PRAG1: variants seen among roughly 807,000 people sequenced by gnomAD.
PRAG1 encodes the protein inactive tyrosine-protein kinase PRAG1.
In PRAG1, 110 loss-of-function variants were observed where a neutral mutation model predicts 95.6. The ratio of observed to expected loss-of-function variants is 1.15; its 90% confidence interval spans 0.99 to 1.35. PRAG1 has a LOEUF of 1.35. Among genes scored for constraint, PRAG1 ranks in the 40% most tolerant of loss-of-function variants. The pLI is 0.00. For missense variants in PRAG1, 2,554 were observed against 1,864.7 expected, an observed-to-expected ratio of 1.37 and a Z score of -6.81; for synonymous variants, 1,052 against 819.4, an observed-to-expected ratio of 1.28 and a Z score of -4.85.
chr8:8,369,375 C>T (rs546552051), intron 3 of PRAG1, among the ~76,000 whole-genome samples: 2 of 152,304 alleles, frequency 1.3e-5, no homozygotes, highest in African/African-American at 4.8e-5. Context: ...ACAAAAGATA[C>T]ACTGTGTTAA....
At chr8:8,349,759 G>T (rs1341980441) in intron 3 of PRAG1, among the ~76,000 whole-genome samples, 1 of 152,120 alleles carries the variant, frequency 6.6e-6, no homozygotes, top group African/African-American at 2.4e-5. Context: ...TCTTTGGTCA[G>T]ATGACCTCTG....
In PRAG1 at chr8:8,376,988, A is replaced by C. The variant is rs1392029098; in HGVS notation, c.1421T>G (p.Ile474Ser). 1.9e-6 allele frequency: 3 copies of C among 1,613,560 alleles called. No individual in the cohort carries two copies. Among genetic ancestry groups the C allele is most frequent in the Non-Finnish European group, 2.5e-6 (3 of 1,179,950 alleles). The change falls in exon 3 of 6, where the codon ATC becomes AGC. Residue 474 changes from isoleucine (I) to serine (S), a missense_variant. Transcript: ENST00000615670. Reference protein sequence around the residue: ...PDPTPQVSATITVMAAHPEED... With the variant: ...PDPTPQVSATSTVMAAHPEED... ...TTCCGGGTGGGCCGCCATGACTGTG[A>C]TGGTGGCTGACACCTGGGGAGTTGG...
At chr8:8,319,366 G>A in intron 5 of PRAG1, 64 bp from the exon 6 acceptor site, 2 of 1,380,172 alleles carry the variant, frequency 1.4e-6, no homozygotes, top group Admixed American at 2.4e-5. Flanking sequence ...CAAAGAGTGT[G>A]GAAACATTTG....
At chr8:8,385,569 C>T (rs1800819380) in intron 1 of PRAG1, among the ~76,000 whole-genome samples, 1 of 152,204 alleles carries the variant, frequency 6.6e-6, no homozygotes, top group Non-Finnish European at 1.5e-5. Flanking sequence ...CCTGACTCCG[C>T]ACTGAATGCA....
At chr8:8,371,253 T>C (rs934905174) in intron 3 of PRAG1, among the ~76,000 whole-genome samples, 12 of 152,114 alleles carry the variant, frequency 7.9e-5, no homozygotes, top group Admixed American at 2.0e-4. Flanking sequence ...TGAAATTCAA[T>C]TGAGCGAAAA....
chr8:8,379,811 G>A (rs924434095), intron 2 of PRAG1, among the ~76,000 whole-genome samples: 5 of 152,240 alleles, frequency 3.3e-5, no homozygotes, highest in Non-Finnish European at 7.3e-5. Context: ...CCTGTGGAAT[G>A]AGCAGAATGG....
intron 3 of PRAG1, among the ~76,000 whole-genome samples, chr8:8,363,711 T>C (rs1214371516): frequency 6.6e-6 from 1 of 152,252 alleles, no homozygotes; most frequent in East Asian, 1.9e-4. Flanking sequence ...TTTTATGTTA[T>C]ATGTAACATA....
rs764657134 is a variant in PRAG1 at position 8,377,735 on chromosome 8, G to C, written c.674C>G (p.Pro225Arg). The change falls in exon 3 of 6, where the codon CCT becomes CGT. Residue 225 changes from proline to arginine, a missense_variant. Physicochemically the swap from Pro to Arg is moderately radical, Grantham distance 103. Coordinates refer to ENST00000615670, the MANE Select transcript of PRAG1 (RefSeq NM_001080826.3). ...AGTTSGCHQG[P>R]GPLRESLPSE... ...GGGCAGGGATTCCCGCAGGGGCCCA[G>C]GGCCCTGGTGACAGCCAGATGTGGT... is the stretch of plus-strand genomic sequence containing the variant. The C allele has an allele frequency of 1.2e-6, 2 of 1,613,942 alleles. No homozygotes were observed. Among genetic ancestry groups the C allele is most frequent in the Non-Finnish European group, 1.7e-6 (2 of 1,180,024 alleles).
At position 8,376,299 on chromosome 8, in the gene PRAG1, C is replaced by T. The variant is rs769151612; in HGVS notation, c.2110G>A (p.Asp704Asn). 4 of 1,614,046 alleles carry T rather than the reference C, an allele frequency of 2.5e-6. No homozygotes were observed. In the African/African-American group the frequency reaches 4.0e-5, roughly 16 times the overall value. ...GAGAATGTCTCAATCCCACTTCTGT[C>T]CTTGGGGAACTCAAAGGCAAAAGAG... ...SASFAFEFPK[D>N]RSGIETFSPP... Residue 704 changes from aspartate to asparagine, a missense_variant, in exon 3 of 6, where the codon GAC becomes AAC. Coordinates refer to ENST00000615670, the MANE Select transcript of PRAG1 (RefSeq NM_001080826.3).
intron 1 of PRAG1, among the ~76,000 whole-genome samples, chr8:8,382,109 G>C (rs904540646): frequency 5.3e-5 from 8 of 152,116 alleles, no homozygotes; most frequent in Admixed American, 3.3e-4. Flanking sequence ...CCTGGGTGGG[G>C]AGTCCCCTAA....
chr8:8,335,640 A>G (rs1410668803), intron 4 of PRAG1, among the ~76,000 whole-genome samples: 2 of 152,240 alleles, frequency 1.3e-5, no homozygotes, highest in African/African-American at 4.8e-5. Flanking sequence ...GCTTCACTTC[A>G]GTGATATTAT....
At chr8:8,337,361 G>T (rs1799023387) in intron 4 of PRAG1, among the ~76,000 whole-genome samples, 1 of 152,210 alleles carries the variant, frequency 6.6e-6, no homozygotes, top group African/African-American at 2.4e-5. Flanking sequence ...ACAAATCTAA[G>T]CTGCCTTGGT....
chr8:8,377,995 A>G lies in PRAG1; in HGVS notation c.414T>C (p.Gly138=), dbSNP rs1800489358. 6.2e-7 allele frequency: 1 copy of G among 1,605,936 alleles called. No homozygotes were observed. The highest frequency in any genetic ancestry group is 1.3e-5 in the African/African-American group (1 of 74,682). Residue 138 remains glycine, a synonymous_variant, in exon 3 of 6, where the codon GGT becomes GGC. Coordinates refer to ENST00000615670, the MANE Select transcript of PRAG1 (RefSeq NM_001080826.3). ...APVVYLGSFR[G]VQKPAGPSTS... Reference sequence around the variant, plus strand: ...TAGAGGGACCAGCAGGCTTCTGTACACCTCGGAAGCTGCCCAGGTAGACGA... The same window carrying G: ...TAGAGGGACCAGCAGGCTTCTGTACGCCTCGGAAGCTGCCCAGGTAGACGA...
chr8:8,377,548 C>G lies in PRAG1; in HGVS notation c.861G>C (p.Thr287=). ...CGGAACACTTCCCCTGCTCCCAGCA[C>G]GTGGGTGAGCAGTCCCTGCCACCAT... ...GRHGGRDCSP[T]CWEQGKCSGP... Residue 287 remains threonine, a synonymous_variant, in exon 3 of 6, where the codon ACG becomes ACC. Coordinates refer to ENST00000615670, the MANE Select transcript of PRAG1 (RefSeq NM_001080826.3). 6.2e-7 allele frequency: 1 copy of G among 1,600,036 alleles called. No individual in the cohort carries two copies. Among genetic ancestry groups the G allele is most frequent in the Non-Finnish European group, 8.5e-7 (1 of 1,172,836 alleles).
intron 3 of PRAG1, among the ~76,000 whole-genome samples, chr8:8,356,035 C>T (rs997871965): frequency 2.0e-5 from 3 of 152,144 alleles, no homozygotes; most frequent in Admixed American, 6.5e-5. Context: ...TCTGATAAGA[C>T]GTTAATGTCC....
chr8:8,382,217 A>G (rs1484977481), intron 1 of PRAG1, among the ~76,000 whole-genome samples: 2 of 152,214 alleles, frequency 1.3e-5, no homozygotes, highest in Non-Finnish European at 1.5e-5. Context: ...ACCGGGGCCT[A>G]GAGTCTGGGA....
intron 3 of PRAG1, among the ~76,000 whole-genome samples, chr8:8,372,421 C>T (rs1800238961): frequency 6.6e-6 from 1 of 152,248 alleles, no homozygotes; most frequent in Admixed American, 6.5e-5. Context: ...TGATCCTCAT[C>T]TTATAATTCT....
At chr8:8,375,578 A>C (rs1800359171) in intron 3 of PRAG1, among the ~76,000 whole-genome samples, 1 of 152,174 alleles carries the variant, frequency 6.6e-6, no homozygotes, top group Admixed American at 6.5e-5. Flanking sequence ...TTTGGCCCCA[A>C]GACCTAATCA....
chr8:8,357,843 G>A (rs1205185740), intron 3 of PRAG1, among the ~76,000 whole-genome samples: 1 of 152,134 alleles, frequency 6.6e-6, no homozygotes, highest in African/African-American at 2.4e-5. Flanking sequence ...TGAATGTATG[G>A]GAAAAACAAA....
Sources: allele counts gnomAD v4.1 joint callset (sites outside exome capture counted in the v4.1 genomes callset), GRCh38; gene constraint gnomAD v4.1.1; transcripts MANE v1.5; gene names NCBI Gene and HGNC (gene_info 2026-07-23, HGNC 2026-07-21).